NXPH1: variants seen among roughly 807,000 people sequenced by gnomAD.
The protein encoded by NXPH1 is neurexophilin-1.
NXPH1 carries 5 observed loss-of-function variants against 23.7 expected under a neutral mutation model. The ratio of observed to expected loss-of-function variants is 0.21; its 90% CI spans 0.11 to 0.44. The LOEUF (loss-of-function observed/expected upper bound fraction) is 0.44, where lower values mean the gene tolerates loss of function less well. Ranked by LOEUF, NXPH1 falls within the 20% of genes least tolerant of loss-of-function variation. The probability of loss-of-function intolerance (pLI) is 0.99; values close to 1 mark genes in which losing one functional copy is unlikely to be tolerated. For missense variants in NXPH1, 324 were observed against 321.6 expected, an observed-to-expected ratio of 1.01 and a Z score of -0.06; for synonymous variants, 144 against 122.2, an observed-to-expected ratio of 1.18 and a Z score of -1.18.
In NXPH1 at chr7:8,435,837, C is replaced by A; in HGVS notation, c.54+70C>A. On this transcript the variant is annotated intron_variant, in intron 2 of 2. Transcript: ENST00000405863. The surrounding 1 kb of genome is among the most constrained non-coding windows in gnomAD (Gnocchi z 5.9). ...GGGAGGCAAGGAAACTGGGGACACG[C>A]GGGAGAAGGGTTACGCCGCCAGTTC... The A allele has an allele frequency of 7.0e-7, 1 of 1,428,668 alleles. No homozygotes were observed. The highest frequency in any genetic ancestry group is 9.9e-7 in the Non-Finnish European group (1 of 1,011,912). The allele number at this position is 1,428,668 out of a possible 1,614,324, so 88.5% of individuals were successfully genotyped here.
intron 2 of NXPH1, among the ~76,000 whole-genome samples, chr7:8,739,170 G>GGAAAAA (rs200123331): frequency 1.8e-5 from 1 of 55,592 alleles, no homozygotes; most frequent in African/African-American, 9.1e-5. Flanking sequence ...CACCAGTGGG[G>GGAAAAA]TAAAAAAAAA....
chr7:8,710,047 G>C (rs1383765816), intron 2 of NXPH1, among the ~76,000 whole-genome samples: 1 of 152,174 alleles, frequency 6.6e-6, no homozygotes, highest in Non-Finnish European at 1.5e-5. Context: ...GGTCAGAAAA[G>C]AATCTCCTTT....
intron 2 of NXPH1, among the ~76,000 whole-genome samples, chr7:8,475,685 G>A (rs112695049): frequency 5.9e-5 from 9 of 152,090 alleles, no homozygotes; most frequent in South Asian, 2.1e-4. Context: ...CCCCTTTCAG[G>A]ATATTAATGC....
At chr7:8,668,990 C>T (rs1052501315) in intron 2 of NXPH1, among the ~76,000 whole-genome samples, 2 of 152,026 alleles carry the variant, frequency 1.3e-5, no homozygotes, top group Non-Finnish European at 2.9e-5. Flanking sequence ...TGGCCTGGAG[C>T]ATGGGTGTGT....
chr7:8,618,722 T>C (rs1026211082), intron 2 of NXPH1, among the ~76,000 whole-genome samples: 2 of 152,216 alleles, frequency 1.3e-5, no homozygotes, highest in Non-Finnish European at 2.9e-5. Flanking sequence ...TCTTTCATTT[T>C]GAGAGCCTTC....
At chr7:8,562,579 T>C (rs1818465472) in intron 2 of NXPH1, among the ~76,000 whole-genome samples, 2 of 151,706 alleles carry the variant, frequency 1.3e-5, no homozygotes, top group African/African-American at 4.8e-5. Flanking sequence ...TTTACAGATA[T>C]TCTTTAATGA....
intron 2 of NXPH1, among the ~76,000 whole-genome samples, chr7:8,746,586 TCTTTC>T (rs1006984635): frequency 2.6e-5 from 4 of 152,250 alleles, no homozygotes; most frequent in Non-Finnish European, 4.4e-5. Flanking sequence ...ATGCTTGCTT[TCTTTC>T]CTTTTCAACA....
At chr7:8,526,541 A>T (rs998390960) in intron 2 of NXPH1, among the ~76,000 whole-genome samples, 1 of 152,088 alleles carries the variant, frequency 6.6e-6, no homozygotes. Context: ...CCCACCCAAA[A>T]CTCAACTTGA....
At chr7:8,636,705 C>CA (rs143983995) in intron 2 of NXPH1, among the ~76,000 whole-genome samples, 1,545 of 152,292 alleles carry the variant, frequency 0.01, 22 homozygotes, top group African/African-American at 0.035. Context: ...CAAATGATGA[C>CA]ATACGTTACA....
chr7:8,615,759 C>A (rs78703404), intron 2 of NXPH1, among the ~76,000 whole-genome samples: 8,971 of 151,926 alleles, frequency 0.059, 496 homozygotes, highest in East Asian at 0.17. Flanking sequence ...GGTAACACAC[C>A]AGTGGAGAAG....
chr7:8,639,895 C>T (rs1190097226), intron 2 of NXPH1, among the ~76,000 whole-genome samples: 11 of 152,052 alleles, frequency 7.2e-5, no homozygotes, highest in Admixed American at 7.2e-4. Context: ...AACTGTAAGA[C>T]CAATTAAACG....
At chr7:8,625,642 G>T (rs1164788121) in intron 2 of NXPH1, among the ~76,000 whole-genome samples, 2 of 151,984 alleles carry the variant, frequency 1.3e-5, no homozygotes, top group Non-Finnish European at 2.9e-5. Flanking sequence ...TAACTCTATG[G>T]GTCCCTATTT....
intron 2 of NXPH1, among the ~76,000 whole-genome samples, chr7:8,678,856 C>G (rs78920145): frequency 0.025 from 3,729 of 148,136 alleles, 164 homozygotes; most frequent in African/African-American, 0.088. Flanking sequence ...ATTATAAAAT[C>G]TATTTTATCC....
intron 2 of NXPH1, among the ~76,000 whole-genome samples, chr7:8,546,102 A>C (rs1327023978): frequency 6.6e-6 from 1 of 151,466 alleles, no homozygotes; most frequent in Non-Finnish European, 1.5e-5. Context: ...GTAAAGCTGA[A>C]ACCTCTTTTT....
intron 2 of NXPH1, among the ~76,000 whole-genome samples, chr7:8,625,895 C>G (rs150791068): frequency 5.3e-5 from 8 of 152,258 alleles, no homozygotes; most frequent in African/African-American, 1.9e-4. Context: ...TGGGAAGTTT[C>G]AAACAATGAG....
rs1816179298 is a variant in NXPH1 at position 8,435,615 on chromosome 7, C to T, written c.-99C>T. 3 of 1,080,412 alleles carry T rather than the reference C, an allele frequency of 2.8e-6. No individual in the cohort carries two copies. The highest frequency in any genetic ancestry group is 4.3e-6 in the Non-Finnish European group (3 of 693,752). The allele number at this position is 1,080,412 out of a possible 1,614,324, so 66.9% of individuals were successfully genotyped here. A position where few individuals can be genotyped will look rare whatever the true frequency, so the allele number is the denominator to read the frequency against. On this transcript the variant is annotated 5_prime_UTR_variant, in exon 2 of 3. Coordinates refer to ENST00000405863, the MANE Select transcript of NXPH1 (RefSeq NM_152745.3). The surrounding 1 kb of genome is among the most constrained non-coding windows in gnomAD (Gnocchi z 5.9). ...TTATTTGCATCTAGGCTGCTGAGAG[C>T]GCTCCTTGCTCTGTAAAGTGGATGT...
At chr7:8,451,245 C>G (rs1388597673) in intron 2 of NXPH1, among the ~76,000 whole-genome samples, 3 of 151,776 alleles carry the variant, frequency 2.0e-5, no homozygotes, top group Admixed American at 1.3e-4. Context: ...ACTGTTCTGT[C>G]TTTCAGAGAG....
At chr7:8,736,512 G>T (rs981792901) in intron 2 of NXPH1, among the ~76,000 whole-genome samples, 1 of 152,126 alleles carries the variant, frequency 6.6e-6, no homozygotes, top group Admixed American at 6.5e-5. Flanking sequence ...TATGATTTCT[G>T]TTATTTTGCA....
At chr7:8,587,484 G>A (rs1819002340) in intron 2 of NXPH1, among the ~76,000 whole-genome samples, 1 of 151,978 alleles carries the variant, frequency 6.6e-6, no homozygotes, top group African/African-American at 2.4e-5. Flanking sequence ...GGCTTCAGGA[G>A]ATAATCTTTT....
Sources: gnomAD v4.1 joint callset for allele counts (sites outside exome capture counted in the v4.1 genomes callset) on GRCh38, gnomAD v4.1.1 for gene constraint, Gnocchi (gnomAD v3.1) non-coding constraint, MANE v1.5 for transcripts, NCBI Gene and HGNC (gene_info 2026-07-23, HGNC 2026-07-21) for gene names.